SH3GL2: variants seen among roughly 807,000 people sequenced by gnomAD.
SH3GL2 encodes endophilin-A1.
A neutral mutation model predicts 46.0 loss-of-function variants in SH3GL2; 24 were observed. The ratio of observed to expected loss-of-function variants is 0.52; its 90% confidence interval spans 0.38 to 0.73. The LOEUF (loss-of-function observed/expected upper bound fraction) is 0.73. Among genes scored for constraint, SH3GL2 ranks in the 30% least tolerant of loss-of-function variants. The pLI is 0.00. For missense variants in SH3GL2, 413 were observed against 424.2 expected (o/e 0.97, Z 0.23); for synonymous variants, 196 against 147.1 (o/e 1.33, Z -2.40).
At chr9:17,637,469 T>C (rs1016715591) in intron 1 of SH3GL2, among the ~76,000 whole-genome samples, 1 of 152,222 alleles carries the variant, frequency 6.6e-6, no homozygotes, top group Non-Finnish European at 1.5e-5. Flanking sequence ...CTTTACTTAG[T>C]CGGGAACTCC....
intron 3 of SH3GL2, among the ~76,000 whole-genome samples, chr9:17,786,040 A>G (rs570677949): frequency 3.0e-4 from 45 of 152,290 alleles, no homozygotes; most frequent in Middle Eastern, 3.4e-3. Flanking sequence ...AAAGCTCTCC[A>G]TGGAAGCACC....
intron 1 of SH3GL2, among the ~76,000 whole-genome samples, chr9:17,666,162 G>A (rs1469317267): frequency 2.6e-5 from 4 of 151,896 alleles, no homozygotes; most frequent in African/African-American, 2.4e-5. Context: ...CTGGGGGTAT[G>A]TAGTCAAAGT....
intron 7 of SH3GL2, among the ~76,000 whole-genome samples, chr9:17,791,995 A>G (rs753770217): frequency 6.6e-6 from 1 of 152,156 alleles, no homozygotes; most frequent in Non-Finnish European, 1.5e-5. Flanking sequence ...GCCCTATGTT[A>G]TAATATGTGT....
intron 3 of SH3GL2, among the ~76,000 whole-genome samples, chr9:17,772,567 C>G (rs7041545): frequency 0.44 from 67,132 of 152,070 alleles, 15,740 homozygotes; most frequent in East Asian, 0.79. Flanking sequence ...TTATTCTAAT[C>G]ACTTCATGTA....
rs760895777 is a variant in SH3GL2, at chr9:17,747,126, A to T, written c.106A>T (p.Met36Leu). 34 of 1,603,554 alleles carry T rather than the reference A, an allele frequency of 2.1e-5. No homozygotes were observed. Among genetic ancestry groups the T allele is most frequent in the Admixed American group, 6.7e-5 (4 of 59,886 alleles). Reference sequence around the variant, plus strand: ...CAAGCTAGATGATGACTTCAAAGAGATGGAAAGGGTAAGCCTTCACTACTG... The same window carrying T: ...CAAGCTAGATGATGACTTCAAAGAGTTGGAAAGGGTAAGCCTTCACTACTG... ...GTKLDDDFKE[M>L]ERKVDVTSRA... is the part of the protein sequence containing the mutation. Residue 36 changes from methionine to leucine, a missense_variant, in exon 2 of 9, where the codon ATG becomes TTG. Met to Leu is a conservative substitution (Grantham distance 15, BLOSUM62 2). This residue lies in a region of SH3GL2 where 160 missense variants were observed against 192.3 expected (regional missense o/e 0.83). Transcript: ENST00000380607.
chr9:17,795,532 T>C lies in SH3GL2; in HGVS notation c.860-12T>C. ...TTTGTGTTCTTCTCTTCTCTCCTGCTCTTACTCCCAGGTGTCCAAATGGAT... is the reference window on the plus strand; with the variant it reads ...TTTGTGTTCTTCTCTTCTCTCCTGCCCTTACTCCCAGGTGTCCAAATGGAT... On this transcript the variant is annotated splice_polypyrimidine_tract_variant and intron_variant, in intron 8 of 8. Coordinates refer to ENST00000380607, the MANE Select transcript of SH3GL2 (RefSeq NM_003026.5). 2 of 1,610,390 alleles carry C rather than the reference T, an allele frequency of 1.2e-6. No homozygotes were observed. The highest frequency in any genetic ancestry group is 1.7e-6 in the Non-Finnish European group (2 of 1,176,768).
At chr9:17,696,492 A>G (rs865866307) in intron 1 of SH3GL2, among the ~76,000 whole-genome samples, 1 of 152,206 alleles carries the variant, frequency 6.6e-6, no homozygotes, top group Non-Finnish European at 1.5e-5. Context: ...ATTGACTCAC[A>G]GTTCCACATG....
At chr9:17,672,913 A>G (rs1428053774) in intron 1 of SH3GL2, among the ~76,000 whole-genome samples, 1 of 152,100 alleles carries the variant, frequency 6.6e-6, no homozygotes, top group African/African-American at 2.4e-5. Context: ...GCCCAACTCA[A>G]AATGTCTAAA....
intron 1 of SH3GL2, among the ~76,000 whole-genome samples, chr9:17,701,745 G>C (rs1467857128): frequency 6.6e-6 from 1 of 151,904 alleles, no homozygotes; most frequent in Non-Finnish European, 1.5e-5. Context: ...AGCTATAAAT[G>C]ATATAATTTT....
intron 1 of SH3GL2, among the ~76,000 whole-genome samples, chr9:17,645,151 C>CTTTTTTTTTTTTTTTTTTTTTTTTTT (rs57611978): frequency 2.9e-5 from 2 of 68,780 alleles, no homozygotes; most frequent in Admixed American, 1.9e-4. Flanking sequence ...GCAAACGCTG[C>CTTTTTTTTTTTTTTTTTTTTTTTTTT]TTTTTTTTTT....
chr9:17,719,792 T>TA (rs775499468), intron 1 of SH3GL2, among the ~76,000 whole-genome samples: 2 of 141,502 alleles, frequency 1.4e-5, no homozygotes, highest in Non-Finnish European at 3.1e-5. Flanking sequence ...GACCCTGTCT[T>TA]GAAAAAAAAA....
chr9:17,732,730 T>G (rs1444821877), intron 1 of SH3GL2, among the ~76,000 whole-genome samples: 1 of 152,128 alleles, frequency 6.6e-6, no homozygotes, highest in East Asian at 1.9e-4. Context: ...TGAAGGACAG[T>G]AAAACCTAAT....
intron 1 of SH3GL2, among the ~76,000 whole-genome samples, chr9:17,674,068 C>A (rs10963196): frequency 6.6e-6 from 1 of 151,554 alleles, no homozygotes; most frequent in South Asian, 2.1e-4. Flanking sequence ...TGAGCACTTC[C>A]TTATGGAGGC....
chr9:17,791,663 A>T (rs903548132), intron 7 of SH3GL2, among the ~76,000 whole-genome samples: 2 of 152,150 alleles, frequency 1.3e-5, no homozygotes, highest in African/African-American at 4.8e-5. Context: ...TATCATCATC[A>T]ATCTTATAAC....
At chr9:17,716,576 G>A (rs1343833143) in intron 1 of SH3GL2, among the ~76,000 whole-genome samples, 1 of 152,134 alleles carries the variant, frequency 6.6e-6, no homozygotes, top group Non-Finnish European at 1.5e-5. Flanking sequence ...TCCCTCTACT[G>A]TTTTTGGATG....
intron 1 of SH3GL2, among the ~76,000 whole-genome samples, chr9:17,581,002 C>G (rs368488513): frequency 1.5e-4 from 23 of 152,282 alleles, no homozygotes; most frequent in African/African-American, 5.5e-4. Context: ...CTGAACCTGT[C>G]CATGCTGAAG....
intron 3 of SH3GL2, among the ~76,000 whole-genome samples, chr9:17,777,808 C>A (rs1428014286): frequency 6.6e-6 from 1 of 152,116 alleles, no homozygotes; most frequent in Admixed American, 6.5e-5. Context: ...TCTCAAAATA[C>A]AATTACATTG....
intron 1 of SH3GL2, among the ~76,000 whole-genome samples, chr9:17,594,191 C>A (rs563407903): frequency 6.6e-6 from 1 of 152,170 alleles, no homozygotes; most frequent in Non-Finnish European, 1.5e-5. Context: ...GTGTCCTGCT[C>A]AGTGATCTGC....
chr9:17,681,519 G>A (rs1820765992), intron 1 of SH3GL2, among the ~76,000 whole-genome samples: 1 of 152,056 alleles, frequency 6.6e-6, no homozygotes, highest in Non-Finnish European at 1.5e-5. Context: ...ACTGAAACTG[G>A]ACCCCTTCCT....
Sources: gnomAD v4.1 joint callset for allele counts (sites outside exome capture counted in the v4.1 genomes callset) on GRCh38, gnomAD v4.1.1 for gene constraint, gnomAD v4.1.1 regional missense constraint, MANE v1.5 for transcripts, NCBI Gene and HGNC (gene_info 2026-07-23, HGNC 2026-07-21) for gene names.